Variants in PREP observed in about 807,000 individuals in gnomAD.
The protein encoded by PREP is prolyl endopeptidase.
PREP carries 29 observed loss-of-function variants against 87.6 expected under a neutral mutation model. The ratio of observed to expected loss-of-function variants is 0.33; its 90% CI spans 0.25 to 0.45. PREP has a LOEUF of 0.45. Among genes scored for constraint, PREP ranks in the 20% least tolerant of loss-of-function variants. The probability of loss-of-function intolerance (pLI) is 1.00; values close to 1 mark genes in which losing one functional copy is unlikely to be tolerated. For missense variants in PREP, 695 were observed against 886.5 expected (o/e 0.78, Z 2.74); for synonymous variants, 337 against 328.6 (o/e 1.03, Z -0.28).
intron 6 of PREP, among the ~76,000 whole-genome samples, chr6:105,361,958 T>C (rs558686352): frequency 6.6e-6 from 1 of 152,184 alleles, no homozygotes; most frequent in South Asian, 2.1e-4. Flanking sequence ...CCCAGTACAG[T>C]GTGGTACAAC....
At chr6:105,399,381 G>A (rs549995817) in intron 1 of PREP, among the ~76,000 whole-genome samples, 4 of 152,230 alleles carry the variant, frequency 2.6e-5, no homozygotes, top group South Asian at 2.1e-4. Context: ...TTACAACACC[G>A]GGCTTTCCAC....
Position 105,376,237 on chromosome 6 carries a change from A to G in PREP, c.273T>C (p.Asn91=). The G allele has an allele frequency of 1.9e-6, 3 of 1,613,462 alleles. No homozygotes were observed. Among genetic ancestry groups the G allele is most frequent in the Non-Finnish European group, 2.5e-6 (3 of 1,179,624 alleles). Residue 91 remains asparagine (N), a synonymous_variant, in exon 4 of 15, where the codon AAT becomes AAC. Transcript: ENST00000652536. ...KKGKRYFYFY[N]TGLQNQRVLY... Reference sequence around the variant, plus strand: ...ATACTCGCTGGTTCTGCAAACCTGTATTGTAAAAATAAAAATACCTGGGGA... The same window carrying G: ...ATACTCGCTGGTTCTGCAAACCTGTGTTGTAAAAATAAAAATACCTGGGGA...
chr6:105,341,283 G>A (rs1187139903), intron 7 of PREP, among the ~76,000 whole-genome samples: 1 of 152,188 alleles, frequency 6.6e-6, no homozygotes, highest in African/African-American at 2.4e-5. Context: ...GCTCTTCAAT[G>A]ACTACTGGGT....
intron 10 of PREP, among the ~76,000 whole-genome samples, chr6:105,318,820 C>G (rs1220965037): frequency 6.6e-6 from 1 of 152,204 alleles, no homozygotes; most frequent in Non-Finnish European, 1.5e-5. Context: ...CACGAACACG[C>G]TGCTATGGGA....
chr6:105,340,828 A>G (rs1583066955), intron 7 of PREP, among the ~76,000 whole-genome samples: 10 of 150,526 alleles, frequency 6.6e-5, no homozygotes, highest in South Asian at 4.3e-4. Context: ...TCAATTCAAC[A>G]AGAAGAGCTA....
rs184300935 is a variant in PREP at position 105,305,390 on chromosome 6, C to T, written c.1318-16496G>A. On this transcript the variant is annotated intron_variant, in intron 10 of 14. Coordinates refer to ENST00000652536, the MANE Select transcript of PREP (RefSeq NM_002726.5). ...GAGTGTGGCCCCGAATTAAGGACAGCATCAACAGAAGTCCTAGAATCAGGA... is the reference window on the plus strand; with the variant it reads ...GAGTGTGGCCCCGAATTAAGGACAGTATCAACAGAAGTCCTAGAATCAGGA... Among the ~76,000 whole-genome samples, 1,222 of 152,254 alleles carry T rather than the reference C, an allele frequency of 8.0e-3. 40 individuals are homozygous for T. In the East Asian group the frequency reaches 0.1, roughly 13 times the overall value.
chr6:105,291,558 T>C (rs1770296842), intron 10 of PREP, among the ~76,000 whole-genome samples: 1 of 152,208 alleles, frequency 6.6e-6, no homozygotes, highest in Non-Finnish European at 1.5e-5. Flanking sequence ...CAGGCCTAGC[T>C]TCCCAGCTTA....
At position 105,287,178 on chromosome 6, in the gene PREP, G is replaced by A. The variant is rs562052378; in HGVS notation, c.1454+1580C>T. Among the ~76,000 whole-genome samples the A allele has an allele frequency of 2.6e-5, 4 of 151,888 alleles. No individual in the cohort carries two copies. The East Asian group carries it at 7.8e-4, about 30-fold the overall frequency. On this transcript the variant is annotated intron_variant, in intron 11 of 14. Coordinates refer to ENST00000652536, the MANE Select transcript of PREP (RefSeq NM_002726.5). ...ATAATCACAAAGAATAATATGGCAT[G>A]TAATATTAACACATAGATACCAATG...
At chr6:105,335,035 T>C (rs954977236) in intron 7 of PREP, among the ~76,000 whole-genome samples, 1 of 152,236 alleles carries the variant, frequency 6.6e-6, no homozygotes, top group Non-Finnish European at 1.5e-5. Context: ...AAGGGACATT[T>C]TCCAGTCTTT....
At chr6:105,330,237 GTGT>G (rs1562202579) in intron 8 of PREP, among the ~76,000 whole-genome samples, 3 of 152,158 alleles carry the variant, frequency 2.0e-5, no homozygotes, top group Non-Finnish European at 4.4e-5. Context: ...AAGGATGCAC[GTGT>G]CTAACAGCTG....
chr6:105,325,729 C>T (rs1771137650), intron 9 of PREP, among the ~76,000 whole-genome samples: 1 of 152,074 alleles, frequency 6.6e-6, no homozygotes, highest in Non-Finnish European at 1.5e-5. Flanking sequence ...GCTTTGTGTC[C>T]CATCTGATTT....
intron 1 of PREP, among the ~76,000 whole-genome samples, chr6:105,402,036 C>T (rs1160406948): frequency 2.0e-5 from 3 of 152,152 alleles, no homozygotes; most frequent in South Asian, 2.1e-4. Context: ...GGTGTCTGCC[C>T]AGAATTCCGC....
chr6:105,296,546 A>G (rs1025618186), intron 10 of PREP, among the ~76,000 whole-genome samples: 2 of 152,088 alleles, frequency 1.3e-5, no homozygotes, highest in Non-Finnish European at 2.9e-5. Flanking sequence ...GATTTTTTAC[A>G]TTTATATTTT....
chr6:105,402,589 C>A (rs1002412322), intron 1 of PREP, among the ~76,000 whole-genome samples: 3 of 152,202 alleles, frequency 2.0e-5, no homozygotes, highest in Non-Finnish European at 4.4e-5. Context: ...TGCCCTTGAC[C>A]CCATTGATTC....
intron 6 of PREP, among the ~76,000 whole-genome samples, chr6:105,361,169 C>A (rs936150549): frequency 6.6e-6 from 1 of 152,076 alleles, no homozygotes; most frequent in African/African-American, 2.4e-5. Context: ...CCAAAGTAAA[C>A]AAGCCTTTCT....
At chr6:105,395,170 T>C (rs368406339) in intron 2 of PREP, among the ~76,000 whole-genome samples, 1 of 152,226 alleles carries the variant, frequency 6.6e-6, no homozygotes, top group Admixed American at 6.5e-5. Context: ...TTAAAAAATA[T>C]ATATATTTTA....
chr6:105,387,852 C>T (rs552941469), intron 2 of PREP, among the ~76,000 whole-genome samples: 1 of 152,296 alleles, frequency 6.6e-6, no homozygotes, highest in South Asian at 2.1e-4. Flanking sequence ...TGCCCATCTT[C>T]AATCTCTGGT....
At position 105,274,553 on chromosome 6, in the gene PREP, G is replaced by A. The variant is rs536562944; in HGVS notation, c.*3591C>T. Among the ~76,000 whole-genome samples, 1 of 152,208 alleles carries A rather than the reference G, an allele frequency of 6.6e-6. No homozygotes were observed. Among genetic ancestry groups the A allele is most frequent in the South Asian group, 2.1e-4 (1 of 4,818 alleles). ...GGCTGAGGTGGGTGGATCACCTGAG[G>A]TCAGGAGTTCAAGACCAGCCTGGCC... On this transcript the variant is annotated 3_prime_UTR_variant, in exon 15 of 15. Coordinates refer to ENST00000652536, the MANE Select transcript of PREP (RefSeq NM_002726.5).
In PREP at chr6:105,376,128, G is replaced by C; in HGVS notation, c.382C>G (p.Arg128Gly). 6.2e-7 allele frequency: 1 copy of C among 1,612,916 alleles called. No individual in the cohort carries two copies. The highest frequency in any genetic ancestry group is 8.5e-7 in the Non-Finnish European group (1 of 1,179,430). The change falls in exon 4 of 15, where the codon CGA becomes GGA. Residue 128 changes from arginine (R) to glycine (G), a missense_variant. Around this residue, in one of 5 missense-constraint regions of PREP, gnomAD observed 517 missense variants for 620.3 expected, o/e 0.83. Coordinates refer to ENST00000652536, the MANE Select transcript of PREP (RefSeq NM_002726.5). ...ILSDDGTVAL[R>G]GYAFSEDGEY... ...GGCCTCTCTGTGTAGCACTTACCTCGGAGTGCCACTGTGCCATCGTCAGAC... is the reference window on the plus strand; with the variant it reads ...GGCCTCTCTGTGTAGCACTTACCTCCGAGTGCCACTGTGCCATCGTCAGAC...
Sources: gnomAD v4.1 joint callset for allele counts (sites outside exome capture counted in the v4.1 genomes callset) on GRCh38, gnomAD v4.1.1 for gene constraint, gnomAD v4.1.1 regional missense constraint, MANE v1.5 for transcripts, NCBI Gene and HGNC (gene_info 2026-07-23, HGNC 2026-07-21) for gene names.